Variants in PIK3R6 observed in about 807,000 individuals in gnomAD.
PIK3R6 encodes the protein phosphoinositide 3-kinase regulatory subunit 6.
A neutral mutation model predicts 84.9 loss-of-function variants in PIK3R6; 91 were observed. That is an observed-to-expected ratio of 1.07 (90% CI 0.90 to 1.28). The LOEUF (loss-of-function observed/expected upper bound fraction) is 1.28, where lower values mean the gene tolerates loss of function less well. Ranked by LOEUF, PIK3R6 falls within the 50% of genes most tolerant of loss-of-function variation. The pLI is 0.00. For missense variants in PIK3R6, 996 were observed against 985.1 expected (o/e 1.01, Z -0.15); for synonymous variants, 416 against 411.4 (o/e 1.01, Z -0.13).
intron 15 of PIK3R6, 99 bp from the exon 16 acceptor site, chr17:8,822,756 C>T: frequency 7.9e-7 from 1 of 1,267,380 alleles, no homozygotes; most frequent in Non-Finnish European, 1.1e-6. Context: ...GCTGGGTTTA[C>T]CCATCCATCC....
intron 18 of PIK3R6, among the ~76,000 whole-genome samples, chr17:8,804,714 CCATTGGGCAGAGAACTTGGAG>C (rs934726551): frequency 6.6e-6 from 1 of 152,132 alleles, no homozygotes. Context: ...AGGTCGCCTC[CCATTGGGCAGAGAACTTGGAG>C]CATTGTGGGT....
At chr17:8,859,249 T>C (rs1453498694) in intron 1 of PIK3R6, among the ~76,000 whole-genome samples, 1 of 152,100 alleles carries the variant, frequency 6.6e-6, no homozygotes, top group African/African-American at 2.4e-5. Flanking sequence ...GGGGCAGAAA[T>C]TGCACAAGAC....
rs1567592527 is a variant in PIK3R6, at chr17:8,832,875, T to TG, written c.802+13dup. On this transcript the variant is annotated intron_variant, in intron 9 of 19. Transcript: ENST00000619866. ...GGGACTCTTGCCAAGGCCCCCCATC[T>TG]GCCAGTCGCTTACCACCGCAGCGCC... 2 of 1,612,316 alleles carry TG rather than the reference T, an allele frequency of 1.2e-6. No individual in the cohort carries two copies. The highest frequency in any genetic ancestry group is 2.2e-5 in the East Asian group (1 of 44,852).
intron 1 of PIK3R6, among the ~76,000 whole-genome samples, chr17:8,865,577 G>A (rs1292048179): frequency 6.6e-6 from 1 of 151,734 alleles, no homozygotes; most frequent in Non-Finnish European, 1.5e-5. Context: ...GGTTTCAGGG[G>A]CAGCTCAGGC....
chr17:8,836,154 C>T (rs147866005), intron 7 of PIK3R6, among the ~76,000 whole-genome samples: 58 of 152,324 alleles, frequency 3.8e-4, no homozygotes, highest in African/African-American at 8.7e-4. Context: ...TGTGCACTTG[C>T]GCCTGAGCCC....
chr17:8,852,591 T>G (rs2088999857), intron 1 of PIK3R6, among the ~76,000 whole-genome samples: 1 of 151,822 alleles, frequency 6.6e-6, no homozygotes, highest in Non-Finnish European at 1.5e-5. Context: ...ATAAAAAAAT[T>G]AGCCAGGTGT....
At chr17:8,864,457 C>A (rs1178617018) in intron 1 of PIK3R6, among the ~76,000 whole-genome samples, 3 of 148,962 alleles carry the variant, frequency 2.0e-5, no homozygotes, top group Non-Finnish European at 3.0e-5. Context: ...CTGTGGTGGG[C>A]TAACTTGTTA....
At chr17:8,812,032 GA>G (rs1258933639) in intron 18 of PIK3R6, among the ~76,000 whole-genome samples, 9 of 152,210 alleles carry the variant, frequency 5.9e-5, no homozygotes, top group Non-Finnish European at 8.8e-5. Flanking sequence ...CATGGCTGGG[GA>G]GGCCTCACAA....
rs76550831 is a variant in PIK3R6, at chr17:8,826,217, C to T, written c.1515+955G>A. Among the ~76,000 whole-genome samples the T allele has an allele frequency of 2.2e-4, 33 of 152,320 alleles. 1 individual carries two copies. In the East Asian group the frequency reaches 6.2e-3, roughly 28 times the overall value. On this transcript the variant is annotated intron_variant, in intron 13 of 19. Transcript: ENST00000619866. ...CTGCTGTGGGAATTAAATGAGCTGC[C>T]CTGTGTGTAAGTGTTTAGAACAGTG...
At position 8,803,223 on chromosome 17, in the gene PIK3R6, A is replaced by G. The variant is rs375135611; in HGVS notation, c.*50T>C. ...TCTGGCTGTTGGTGTGAGTGTTTGG[A>G]GTTGGTGGGGTAGTGTATCCTTCCT... is the stretch of plus-strand genomic sequence containing the variant. On this transcript the variant is annotated 3_prime_UTR_variant, in exon 20 of 20. Transcript: ENST00000619866. The surrounding 1 kb of genome is among the most constrained non-coding windows in gnomAD (Gnocchi z 5.0). 185 of 1,604,484 alleles carry G rather than the reference A, an allele frequency of 1.2e-4. No individual in the cohort carries two copies. The African/African-American group carries it at 2.4e-3, about 21-fold the overall frequency.
At chr17:8,817,357 A>T (rs2087573482) in intron 18 of PIK3R6, among the ~76,000 whole-genome samples, 1 of 152,254 alleles carries the variant, frequency 6.6e-6, no homozygotes, top group Admixed American at 6.5e-5. Context: ...TTAAAACATT[A>T]TCTTGGCCAG....
chr17:8,824,173 G>A (rs1193018284), intron 13 of PIK3R6, among the ~76,000 whole-genome samples: 1 of 152,220 alleles, frequency 6.6e-6, no homozygotes, highest in Non-Finnish European at 1.5e-5. Flanking sequence ...GGAGGCTAAG[G>A]CAGGAGAATC....
chr17:8,851,101 T>A (rs894672095), intron 1 of PIK3R6, among the ~76,000 whole-genome samples: 1 of 137,258 alleles, frequency 7.3e-6, no homozygotes, highest in Non-Finnish European at 1.6e-5. Flanking sequence ...TTCACCTTGA[T>A]ACCAAAATCT....
At chr17:8,823,781 A>G (rs1037057007) in intron 13 of PIK3R6, among the ~76,000 whole-genome samples, 3 of 152,206 alleles carry the variant, frequency 2.0e-5, no homozygotes, top group Non-Finnish European at 4.4e-5. Flanking sequence ...TGAGGGAGAC[A>G]AGATGCTGGA....
At chr17:8,861,317 C>T (rs60101719) in intron 1 of PIK3R6, among the ~76,000 whole-genome samples, 8,794 of 152,100 alleles carry the variant, frequency 0.058, 823 homozygotes, top group African/African-American at 0.2. Flanking sequence ...TTAGGGTTGC[C>T]ACACAGGGCC....
chr17:8,829,575 C>T (rs1253708113), intron 10 of PIK3R6, 131 bp downstream of exon 10: 7 of 968,268 alleles, frequency 7.2e-6, no homozygotes, highest in South Asian at 5.8e-5. Context: ...CATACACACA[C>T]AGACACACTG....
At chr17:8,812,037 C>G (rs1233821543) in intron 18 of PIK3R6, among the ~76,000 whole-genome samples, 1 of 152,172 alleles carries the variant, frequency 6.6e-6, no homozygotes, top group Non-Finnish European at 1.5e-5. Flanking sequence ...CTGGGGAGGC[C>G]TCACAATCAT....
chr17:8,818,682 C>T (rs566010093), intron 18 of PIK3R6, among the ~76,000 whole-genome samples: 1 of 152,148 alleles, frequency 6.6e-6, no homozygotes, highest in South Asian at 2.1e-4. Flanking sequence ...TGAGCAAAGG[C>T]TAAAGGGCAA....
At chr17:8,855,194 G>GAAACAAAACAAAACA (rs71361831) in intron 1 of PIK3R6, among the ~76,000 whole-genome samples, 1,986 of 144,686 alleles carry the variant, frequency 0.014, 20 homozygotes, top group Non-Finnish European at 0.021. Context: ...CTCCATCTCA[G>GAAACAAAACAAAACA]AAACAAAACA....
Sources: allele counts gnomAD v4.1 joint callset (sites outside exome capture counted in the v4.1 genomes callset), GRCh38; gene constraint gnomAD v4.1.1; non-coding constraint Gnocchi (gnomAD v3.1); transcripts MANE v1.5; gene names NCBI Gene and HGNC (gene_info 2026-07-23, HGNC 2026-07-21).